The following LRRIQ1 variants were observed in gnomAD, a reference collection of about 807,000 sequenced individuals.
LRRIQ1 encodes leucine rich repeats and IQ motif containing 1.
In LRRIQ1, 210 loss-of-function variants were observed where a neutral mutation model predicts 211.9. That is an observed-to-expected ratio of 0.99 (90% confidence interval 0.89 to 1.11). LRRIQ1 has a LOEUF of 1.11. Ranked by LOEUF, LRRIQ1 falls within the 50% of genes most tolerant of loss-of-function variation. The pLI is 0.00. For synonymous variants in LRRIQ1, 699 were observed against 650.1 expected (o/e 1.08, Z -1.14); for missense variants, 2,136 against 1,939.5 (o/e 1.10, Z -1.90).
chr12:85,057,804 G>A (rs981499944), intron 8 of LRRIQ1, among the ~76,000 whole-genome samples: 10 of 151,862 alleles, frequency 6.6e-5, no homozygotes, highest in Admixed American at 1.3e-4. Context: ...ACTAATAAAC[G>A]TATAGAAAAA....
At chr12:85,136,697 G>A (rs1889158070) in intron 18 of LRRIQ1, among the ~76,000 whole-genome samples, 1 of 149,940 alleles carries the variant, frequency 6.7e-6, no homozygotes, top group Admixed American at 6.7e-5. Context: ...CTCTCTTTCT[G>A]TATATATATA....
chr12:85,165,715 C>T (rs1027472773), intron 24 of LRRIQ1, among the ~76,000 whole-genome samples: 2 of 152,016 alleles, frequency 1.3e-5, no homozygotes, highest in African/African-American at 2.4e-5. Context: ...GCAATCCACC[C>T]GCCTTGGCCT....
Position 85,040,831 on chromosome 12 carries a change from C to T in LRRIQ1, c.244+230C>T, listed in dbSNP as rs112164953. Among the ~76,000 whole-genome samples the T allele has an allele frequency of 6.7e-3, 1,010 of 150,994 alleles. 16 individuals are homozygous for T. The highest frequency in any genetic ancestry group is 0.023 in the African/African-American group (951 of 41,282). On this transcript the variant is annotated intron_variant, in intron 3 of 26. Coordinates refer to ENST00000393217, the MANE Select transcript of LRRIQ1 (RefSeq NM_001079910.2). ...GTAAATACCATCAGCATTTTGTTTC[C>T]GCAGTCCTAATTAATACCAGACATC...
chr12:85,250,880 T>TAATATATTTTATATATTATATATA, intron 1 of LRRIQ1, among the ~76,000 whole-genome samples: 1 of 98,752 alleles, frequency 1.0e-5, no homozygotes, highest in Admixed American at 1.5e-4. Flanking sequence ...TATATTATAT[T>TAATATATTTTATATATTATATATA]ATATATAATA....
downstream of LRRIQ1, among the ~76,000 whole-genome samples, chr12:85,267,971 C>A (rs1009873199): frequency 2.0e-5 from 3 of 151,782 alleles, no homozygotes; most frequent in African/African-American, 7.3e-5. Context: ...AATGAGAAGC[C>A]CCTGGCCTAA....
At chr12:85,044,990 A>C (rs1342384537) in intron 4 of LRRIQ1, among the ~76,000 whole-genome samples, 181 bp downstream of exon 4, 1 of 151,922 alleles carries the variant, frequency 6.6e-6, no homozygotes, top group Non-Finnish European at 1.5e-5. Context: ...AAAAACACTC[A>C]ATTTTCAGTC....
chr12:85,088,489 A>T (rs533973480), intron 11 of LRRIQ1, among the ~76,000 whole-genome samples: 2 of 152,288 alleles, frequency 1.3e-5, no homozygotes, highest in South Asian at 4.1e-4. Context: ...GAAGAAAGTC[A>T]TTGGTAGCTT....
At chr12:85,081,276 C>T (rs537961367) in intron 11 of LRRIQ1, among the ~76,000 whole-genome samples, 1 of 152,138 alleles carries the variant, frequency 6.6e-6, no homozygotes, top group South Asian at 2.1e-4. Context: ...TCGGTAGTAC[C>T]ATTTTAATCC....
chr12:85,250,877 T>TATTATATATAATATATATTATAG (rs1895902832), intron 1 of LRRIQ1, among the ~76,000 whole-genome samples: 1 of 57,596 alleles, frequency 1.7e-5, no homozygotes, highest in Non-Finnish European at 3.6e-5. Flanking sequence ...TTATATATTA[T>TATTATATATAATATATATTATAG]ATTATATATA....
At chr12:85,260,845 AAGG>A (rs1047260089) in intron 1 of LRRIQ1, among the ~76,000 whole-genome samples, 7 of 152,218 alleles carry the variant, frequency 4.6e-5, no homozygotes, top group Admixed American at 6.5e-5. Flanking sequence ...TAGTAAGTAG[AAGG>A]AGGATAGGTT....
chr12:85,103,280 A>G (rs1265893709), intron 13 of LRRIQ1, among the ~76,000 whole-genome samples: 1 of 151,312 alleles, frequency 6.6e-6, no homozygotes, highest in Non-Finnish European at 1.5e-5. Context: ...ATATTATAAT[A>G]TGCATAATTA....
intron 18 of LRRIQ1, among the ~76,000 whole-genome samples, chr12:85,130,863 C>G (rs891817748): frequency 6.6e-6 from 1 of 152,056 alleles, no homozygotes; most frequent in Non-Finnish European, 1.5e-5. Flanking sequence ...TAGAGCCAGA[C>G]TAGATTTCCA....
intron 19 of LRRIQ1, among the ~76,000 whole-genome samples, chr12:85,146,043 A>G (rs756750420): frequency 2.0e-5 from 3 of 151,750 alleles, no homozygotes; most frequent in Non-Finnish European, 4.4e-5. Flanking sequence ...TCATGCAATT[A>G]AGGTTACTAT....
Position 85,153,289 on chromosome 12 carries a change from T to C in LRRIQ1, c.4541+144T>C, listed in dbSNP as rs1034595398. On this transcript the variant is annotated intron_variant, in intron 21 of 26. Coordinates refer to ENST00000393217, the MANE Select transcript of LRRIQ1 (RefSeq NM_001079910.2). The stretch of plus-strand genomic sequence containing the variant: ...TTTAGTGTTAAAAACATCATGGTCA[T>C]GAAGAGTTTTCAGTGTAAGGAAAAT... The C allele has an allele frequency of 6.9e-6, 6 of 870,278 alleles. No homozygotes were observed. In the African/African-American group the frequency reaches 1.1e-4, roughly 16 times the overall value. The allele number at this position is 870,278 out of a possible 1,614,324, so 53.9% of individuals were successfully genotyped here. A position where few individuals can be genotyped will look rare whatever the true frequency, so the allele number is the denominator to read the frequency against.
At chr12:85,266,276 G>A (rs1387066358), downstream of LRRIQ1, among the ~76,000 whole-genome samples, 1 of 152,050 alleles carries the variant, frequency 6.6e-6, no homozygotes, top group Admixed American at 6.6e-5. Flanking sequence ...ATGGATTCTT[G>A]TAATGAGAGC....
chr12:85,149,298 T>A (rs993109686), intron 19 of LRRIQ1, among the ~76,000 whole-genome samples: 1 of 152,026 alleles, frequency 6.6e-6, no homozygotes, highest in African/African-American at 2.4e-5. Context: ...CACATTTACG[T>A]CTTTAATCCA....
chr12:85,192,860 GTTATATA>G (rs1335976229), intron 24 of LRRIQ1, among the ~76,000 whole-genome samples: 2 of 91,358 alleles, frequency 2.2e-5, no homozygotes, highest in Non-Finnish European at 3.8e-5. Flanking sequence ...AATATATATA[GTTATATA>G]TTATAATTAT....
At chr12:85,173,797 T>C (rs768926109) in intron 24 of LRRIQ1, among the ~76,000 whole-genome samples, 3 of 152,018 alleles carry the variant, frequency 2.0e-5, no homozygotes, top group Non-Finnish European at 4.4e-5. Context: ...TACCATCACA[T>C]TGGGGGTTAG....
chr12:85,056,132 A>G lies in LRRIQ1; in HGVS notation c.1339A>G (p.Met447Val), dbSNP rs537691143. The change falls in exon 8 of 27, where the codon ATG (methionine) becomes GTG (valine). Residue 447 changes from methionine to valine, a missense_variant. Coordinates refer to ENST00000393217, the MANE Select transcript of LRRIQ1 (RefSeq NM_001079910.2). Reference sequence around the variant, plus strand: ...CCTTTGGCTAGTTGAGGAATCAAATATGAAAGAAAATGTAGATAGACAGAC... The same window carrying G: ...CCTTTGGCTAGTTGAGGAATCAAATGTGAAAGAAAATGTAGATAGACAGAC... Reference protein sequence around the residue: ...VLLWLVEESNMKENVDRQTIL... With the variant: ...VLLWLVEESNVKENVDRQTIL... 1.1e-5 allele frequency: 17 copies of G among 1,599,572 alleles called. No homozygotes were observed. The African/African-American group carries it at 1.8e-4, about 17-fold the overall frequency.
Sources: allele counts gnomAD v4.1 joint callset (sites outside exome capture counted in the v4.1 genomes callset), GRCh38; gene constraint gnomAD v4.1.1; transcripts MANE v1.5; gene names NCBI Gene and HGNC (gene_info 2026-07-23, HGNC 2026-07-21).